Variants in DIS3 observed in about 807,000 individuals in gnomAD.
The protein encoded by DIS3 is exosome complex exonuclease RRP44.
Under a neutral mutation model 113.0 loss-of-function variants are expected in DIS3, and 103 were observed. The ratio of observed to expected loss-of-function variants is 0.91; its 90% CI spans 0.78 to 1.07. DIS3 has a LOEUF of 1.07. DIS3 is among the 50% of genes least tolerant of loss of function. The pLI is 0.00. For missense variants in DIS3, 1,121 were observed against 1,167.1 expected (o/e 0.96, Z 0.58); for synonymous variants, 402 against 394.3 (o/e 1.02, Z -0.23).
In DIS3 at chr13:72,756,176, A is replaced by AATAATTC. The variant is rs72322477; in HGVS notation, c.*3618_*3619insGAATTAT. 2 of 225,464 alleles carry AATAATTC rather than the reference A, an allele frequency of 8.9e-6. No homozygotes were observed. Among genetic ancestry groups the AATAATTC allele is most frequent in the Non-Finnish European group, 1.4e-5 (2 of 145,310 alleles). The allele number at this position is 225,464 out of a possible 1,614,324, so 14.0% of individuals were successfully genotyped here. A position where few individuals can be genotyped will look rare whatever the true frequency, so the allele number is the denominator to read the frequency against. ...TTAAAAACTGTCTCATTCAAAAGGGAATAAAGACCTGTGTTATCAATGTGT... is the reference window on the plus strand; with the variant it reads ...TTAAAAACTGTCTCATTCAAAAGGGAATAATTCATAAAGACCTGTGTTATCAATGTGT... On this transcript the variant is annotated 3_prime_UTR_variant, in exon 21 of 21. Coordinates refer to ENST00000377767, the MANE Select transcript of DIS3 (RefSeq NM_014953.5).
At chr13:72,761,616 T>G in intron 18 of DIS3, 30 bp downstream of exon 18, 1 of 1,550,918 alleles carries the variant, frequency 6.4e-7, no homozygotes, top group Non-Finnish European at 8.7e-7. Context: ...AACTTCATTT[T>G]TTCTAGCAGT....
intron 4 of DIS3, among the ~76,000 whole-genome samples, 175 bp from the exon 5 acceptor site, chr13:72,776,267 T>C (rs755120673): frequency 3.3e-5 from 5 of 152,164 alleles, no homozygotes; most frequent in Admixed American, 6.5e-5. Context: ...CAGCTTTCTA[T>C]GATGAAGGAA....
rs777587148 is a variant in DIS3 at position 72,759,107 on chromosome 13, A to G, written c.*688T>C. On this transcript the variant is annotated 3_prime_UTR_variant, in exon 21 of 21. Transcript: ENST00000377767. Reference sequence around the variant, plus strand: ...ACAAGATATAGACATTTGAATGCCAATGTCTTATTCTGGAGAGACACTGGA... The same window carrying G: ...ACAAGATATAGACATTTGAATGCCAGTGTCTTATTCTGGAGAGACACTGGA... 5.5e-6 allele frequency: 1 copy of G among 181,736 alleles called. No individual in the cohort carries two copies. Among genetic ancestry groups the G allele is most frequent in the Non-Finnish European group, 1.2e-5 (1 of 85,254 alleles). 11.3% of individuals were successfully genotyped at this position (181,736 alleles called of 1,614,324 possible).
At chr13:72,769,998 A>G (rs940573366) in intron 13 of DIS3, among the ~76,000 whole-genome samples, 1 of 152,230 alleles carries the variant, frequency 6.6e-6, no homozygotes, top group Non-Finnish European at 1.5e-5. Context: ...ACCTGGCTCC[A>G]TTATGAATAA....
At position 72,781,714 on chromosome 13, in the gene DIS3, C is replaced by T; in HGVS notation, c.119G>A (p.Gly40Glu). The T allele has an allele frequency of 6.4e-7, 1 of 1,574,620 alleles. No individual in the cohort carries two copies. Among genetic ancestry groups the T allele is most frequent in the Admixed American group, 1.8e-5 (1 of 54,166 alleles). Residue 40 changes from glycine (G) to glutamate (E), a missense_variant, in exon 1 of 21, where the codon GGA becomes GAA. Transcript: ENST00000377767. The stretch of plus-strand genomic sequence containing the variant: ...CAGGGCCGGCCCCTCGTGCGCCCCT[C>T]CACACGCTGCGCACCCGGGCGCACC... The part of the protein sequence containing the change: ...GCGAPGCAAC[G>E]GAHEGPALEP...
chr13:72,772,137 G>T (rs748024971), intron 10 of DIS3, 22 bp downstream of exon 10: 2 of 1,563,384 alleles, frequency 1.3e-6, no homozygotes, highest in East Asian at 4.5e-5. Context: ...ATTTAGGTAA[G>T]AACACTATTA....
At chr13:72,761,221 T>C in intron 19 of DIS3, 142 bp downstream of exon 19, 4 of 1,095,264 alleles carry the variant, frequency 3.7e-6, no homozygotes, top group East Asian at 2.8e-5. Context: ...AAATTAAATG[T>C]AGATTTTCTG....
In DIS3 at chr13:72,753,860, AT is replaced by A; in HGVS notation, c.*5934del. On this transcript the variant is annotated 3_prime_UTR_variant, in exon 21 of 21. Transcript: ENST00000377767. ...ATAGTGAAAGCTTAATATTGTTTAG[AT>A]TAGAAATATAAAATAATTTTGATTA... 6.5e-7 allele frequency: 1 copy of A among 1,536,396 alleles called. No homozygotes were observed. Among genetic ancestry groups the A allele is most frequent in the Non-Finnish European group, 8.9e-7 (1 of 1,124,284 alleles).
chr13:72,762,831 TAA>T (rs546972823), intron 16 of DIS3, among the ~76,000 whole-genome samples: 9 of 139,616 alleles, frequency 6.4e-5, no homozygotes, highest in African/African-American at 2.1e-4. Flanking sequence ...AGTAAATAAA[TAA>T]AAAAAAAAAA....
chr13:72,771,947 T>G (rs1290432229), intron 10 of DIS3, 51 bp from the exon 11 acceptor site: 1 of 1,555,202 alleles, frequency 6.4e-7, no homozygotes. Flanking sequence ...TGGGTAAATG[T>G]ACCTAATGGA....
rs149071804 is a variant in DIS3, at chr13:72,758,142, A to G, written c.*1653T>C. The G allele has an allele frequency of 6.3e-3, 1,130 of 180,158 alleles. 15 individuals carry two copies. Among genetic ancestry groups the G allele is most frequent in the African/African-American group, 0.025 (1,052 of 42,444 alleles). The allele number at this position is 180,158 out of a possible 1,614,324, so 11.2% of individuals were successfully genotyped here. ...TTTACTGTACCTTTTCTATGTTTAG[A>G]TATGTTTAGATACACAAATACTTAG... On this transcript the variant is annotated 3_prime_UTR_variant, in exon 21 of 21. Transcript: ENST00000377767.
intron 5 of DIS3, 34 bp downstream of exon 5, chr13:72,775,886 CTTTAT>C (rs1593850273): frequency 6.1e-6 from 9 of 1,465,166 alleles, no homozygotes; most frequent in Non-Finnish European, 7.4e-6. Flanking sequence ...AAAATATCAT[CTTTAT>C]TTTAGTGTAT....
intron 6 of DIS3, among the ~76,000 whole-genome samples, chr13:72,774,710 T>C (rs1300408023): frequency 1.3e-5 from 2 of 152,124 alleles, no homozygotes; most frequent in Non-Finnish European, 1.5e-5. Flanking sequence ...AATACAGAAA[T>C]AGGCCATATC....
In DIS3 at chr13:72,760,041, A is replaced by T. The variant is rs571538302; in HGVS notation, c.2794-163T>A. Among the ~76,000 whole-genome samples the T allele has an allele frequency of 3.3e-5, 5 of 152,336 alleles. No individual in the cohort carries two copies. In the East Asian group the frequency reaches 9.6e-4, roughly 29 times the overall value. ...GTTTTATACACAGAAGGTATTTTACAAAGTAGCAGTGGTTCAAAAATGTAA... is the reference window on the plus strand; with the variant it reads ...GTTTTATACACAGAAGGTATTTTACTAAGTAGCAGTGGTTCAAAAATGTAA... On this transcript the variant is annotated intron_variant, in intron 20 of 20. Transcript: ENST00000377767.
In DIS3 at chr13:72,773,773, G is replaced by C. The variant is rs146500302; in HGVS notation, c.1150C>G (p.Arg384Gly). 1 of 1,613,926 alleles carries C rather than the reference G, an allele frequency of 6.2e-7. No individual in the cohort carries two copies. The highest frequency in any genetic ancestry group is 8.5e-7 in the Non-Finnish European group (1 of 1,179,956). Reference protein sequence around the residue: ...TPADKRIPRIRIETRQASTLE... With the variant: ...TPADKRIPRIGIETRQASTLE... ...GTGGAAGCCTGTCTGGTTTCTATGC[G>C]AATTCGAGGGATTCTCTTATCAGCA... The change falls in exon 8 of 21, where the codon CGC becomes GGC. Residue 384 changes from arginine (R) to glycine (G), a missense_variant. Physicochemically the swap from Arg to Gly is moderately radical, Grantham distance 125 (BLOSUM62 -2). Coordinates refer to ENST00000377767, the MANE Select transcript of DIS3 (RefSeq NM_014953.5).
rs2034006595 is a variant in DIS3 at position 72,775,942 on chromosome 13, T to C, written c.805A>G (p.Asn269Asp). The C allele has an allele frequency of 1.2e-6, 2 of 1,604,032 alleles. No homozygotes were observed. The highest frequency in any genetic ancestry group is 1.7e-6 in the Non-Finnish European group (2 of 1,177,706). ...ATACTTGCCTCTTTATTTTCTTCAT[T>C]GTCGCCATGAATCCATACTGTAGCT... is the stretch of plus-strand genomic sequence containing the variant. The part of the protein sequence containing the change: ...LEATVWIHGD[N>D]EENKEIILQG... The change falls in exon 5 of 21, where the codon AAT (asparagine) becomes GAT (aspartate). Residue 269 changes from asparagine (N) to aspartate (D), a missense_variant. Asn to Asp is a conservative substitution (Grantham distance 23). Transcript: ENST00000377767.
In DIS3 at chr13:72,757,674, G is replaced by A. The variant is rs1012483459; in HGVS notation, c.*2121C>T. 7 of 176,466 alleles carry A rather than the reference G, an allele frequency of 4.0e-5. No individual in the cohort carries two copies. Among genetic ancestry groups the A allele is most frequent in the Non-Finnish European group, 6.1e-5 (5 of 82,094 alleles). The allele number at this position is 176,466 out of a possible 1,614,324, so 10.9% of individuals were successfully genotyped here. ...ACTCCTGACATCGAGTGATCCACCC[G>A]CCTCGTCCTCCCAAAATGCTAGGAT... On this transcript the variant is annotated 3_prime_UTR_variant, in exon 21 of 21. Coordinates refer to ENST00000377767, the MANE Select transcript of DIS3 (RefSeq NM_014953.5).
rs397851597 is a variant in DIS3 at position 72,780,325 on chromosome 13, CAAAAAAAAAAAAA to C, written c.386+508_386+520del. On this transcript the variant is annotated intron_variant, in intron 2 of 20. Transcript: ENST00000377767. Reference sequence around the variant, plus strand: ...TGGGTGACAGAGTGAGACTCCATCTCAAAAAAAAAAAAAAAAAAAAAAAAAGAATTCTATTCCT... The same window carrying C: ...TGGGTGACAGAGTGAGACTCCATCTCAAAAAAAAAAAAGAATTCTATTCCT... Among the ~76,000 whole-genome samples the C allele has an allele frequency of 4.2e-4, 23 of 55,388 alleles. 1 individual carries two copies. In the South Asian group the frequency reaches 0.023, roughly 55 times the overall value. The allele number at this position is 55,388 out of a possible 152,430, so 36.3% of individuals were successfully genotyped here.
intron 11 of DIS3, among the ~76,000 whole-genome samples, chr13:72,771,409 G>A (rs2033883036): frequency 6.6e-6 from 1 of 152,140 alleles, no homozygotes; most frequent in Admixed American, 6.5e-5. Flanking sequence ...TAACGACCTA[G>A]CTGTCCTCTG....
Sources: allele counts gnomAD v4.1 joint callset (sites outside exome capture counted in the v4.1 genomes callset), GRCh38; gene constraint gnomAD v4.1.1; transcripts MANE v1.5; gene names NCBI Gene and HGNC (gene_info 2026-07-23, HGNC 2026-07-21).